ZNF608: variants seen among roughly 807,000 people sequenced by gnomAD.
ZNF608 encodes the protein zinc finger protein 608, also known as renal carcinoma antigen NY-REN-36.
Under a neutral mutation model 109.0 loss-of-function variants are expected in ZNF608, and 12 were observed. The observed-to-expected ratio is 0.11, with a 90% CI of 0.07 to 0.18. The LOEUF (loss-of-function observed/expected upper bound fraction) is 0.18, where lower values mean the gene tolerates loss of function less well. Among genes scored for constraint, ZNF608 ranks in the 10% least tolerant of loss-of-function variants. The pLI is 1.00. For missense variants in ZNF608, 1,707 were observed against 1,879.3 expected (o/e 0.91, Z 1.70); for synonymous variants, 732 against 717.4 (o/e 1.02, Z -0.33).
At chr5:124,704,706 C>G (rs192647764) in intron 2 of ZNF608, among the ~76,000 whole-genome samples, 2 of 152,218 alleles carry the variant, frequency 1.3e-5, no homozygotes, top group Admixed American at 1.3e-4. Flanking sequence ...ACTGACAGAA[C>G]TGAGCTTCAC....
chr5:124,699,841 C>T (rs951941727), intron 3 of ZNF608, among the ~76,000 whole-genome samples: 8 of 152,244 alleles, frequency 5.3e-5, no homozygotes, highest in South Asian at 2.1e-4. Flanking sequence ...TTCTCAACTA[C>T]TTCTTGCCCA....
In ZNF608 at chr5:124,648,339, G is replaced by T. The variant is rs756460319; in HGVS notation, c.2045C>A (p.Ala682Glu). The T allele has an allele frequency of 6.2e-7, 1 of 1,614,160 alleles. No individual in the cohort carries two copies. Among genetic ancestry groups the T allele is most frequent in the South Asian group, 1.1e-5 (1 of 91,088 alleles). The change falls in exon 5 of 10, where the codon GCG (alanine) becomes GAG (glutamate). Residue 682 changes from alanine to glutamate, a missense_variant. Physicochemically the swap from Ala to Glu is moderately radical, Grantham distance 107. This residue lies in a region of ZNF608 where 1,073 missense variants were observed against 1,133.5 expected (regional missense o/e 0.95). Transcript: ENST00000513986. ...NLPVISNMTA[A>E]LDSCSAADGS... ...GTCTGCTGCCGAGCAACTGTCTAACGCAGCCGTCATGTTGGAGATTACTGG... is the reference window on the plus strand; with the variant it reads ...GTCTGCTGCCGAGCAACTGTCTAACTCAGCCGTCATGTTGGAGATTACTGG...
At chr5:124,653,414 C>T (rs867315000) in intron 3 of ZNF608, among the ~76,000 whole-genome samples, 3 of 152,180 alleles carry the variant, frequency 2.0e-5, no homozygotes, top group African/African-American at 7.2e-5. Context: ...TTGTGTGTGT[C>T]TACAGGGTAC....
At chr5:124,691,601 A>G (rs951950527) in intron 3 of ZNF608, among the ~76,000 whole-genome samples, 23 of 152,240 alleles carry the variant, frequency 1.5e-4, no homozygotes, top group African/African-American at 5.5e-4. Context: ...TCAATGGGTG[A>G]ATAAAGAAAA....
chr5:124,729,959 C>A (rs1748818708), intron 2 of ZNF608, among the ~76,000 whole-genome samples: 1 of 152,194 alleles, frequency 6.6e-6, no homozygotes, highest in African/African-American at 2.4e-5. Context: ...CACATTCAGG[C>A]TCAAATAACA....
Position 124,646,819 on chromosome 5 carries a change from G to A in ZNF608, c.3565C>T (p.His1189Tyr). ...CTGTCGGCCTGAAGCTGCTGCTGGT[G>A]ATTGGAGAGAAGCTGCGATTTACCT... ...ETGKSQLLSN[H>Y]QQQLQADSFK... Residue 1189 changes from histidine to tyrosine, a missense_variant, in exon 5 of 10, where the codon CAC becomes TAC. This residue lies in a region of ZNF608 where 1,073 missense variants were observed against 1,133.5 expected (regional missense o/e 0.95). Coordinates refer to ENST00000513986, the MANE Select transcript of ZNF608 (RefSeq NM_020747.3). 1 of 1,614,252 alleles carries A rather than the reference G, an allele frequency of 6.2e-7. No individual in the cohort carries two copies. The highest frequency in any genetic ancestry group is 8.5e-7 in the Non-Finnish European group (1 of 1,180,050).
At chr5:124,722,474 C>T (rs1323694022) in intron 2 of ZNF608, among the ~76,000 whole-genome samples, 1 of 151,988 alleles carries the variant, frequency 6.6e-6, no homozygotes, top group Non-Finnish European at 1.5e-5. Context: ...CCTTTTGCCT[C>T]CCATTTGACC....
chr5:124,723,642 C>A (rs748210001), intron 2 of ZNF608, among the ~76,000 whole-genome samples: 1 of 152,100 alleles, frequency 6.6e-6, no homozygotes, highest in African/African-American at 2.4e-5. Flanking sequence ...GACCAGAGAT[C>A]GTGCCACTGC....
chr5:124,711,067 A>G (rs59480150), intron 2 of ZNF608, among the ~76,000 whole-genome samples: 16,183 of 152,144 alleles, frequency 0.11, 2,718 homozygotes, highest in African/African-American at 0.35. Flanking sequence ...GCCTGTCCCA[A>G]TGAGGTCTAT....
intron 2 of ZNF608, among the ~76,000 whole-genome samples, chr5:124,741,394 GAAAAAAAAAAAAA>G (rs34192958): frequency 5.8e-5 from 4 of 68,428 alleles, no homozygotes; most frequent in Middle Eastern, 0.011. Flanking sequence ...CTTCCAACCA[GAAAAAAAAAAAAA>G]AAAAAAAAAA....
intron 3 of ZNF608, among the ~76,000 whole-genome samples, chr5:124,655,008 A>G (rs937950738): frequency 1.3e-5 from 2 of 152,220 alleles, no homozygotes; most frequent in African/African-American, 4.8e-5. Flanking sequence ...GTCTGCACCC[A>G]CAACCCCTGG....
intron 3 of ZNF608, among the ~76,000 whole-genome samples, chr5:124,662,800 T>TACAGACAC (rs1438431730): frequency 6.6e-6 from 1 of 150,868 alleles, no homozygotes; most frequent in Non-Finnish European, 1.5e-5. Flanking sequence ...TCTCAAGAGT[T>TACAGACAC]ACAGACACAC....
intron 3 of ZNF608, among the ~76,000 whole-genome samples, chr5:124,690,459 C>T (rs1421316975): frequency 1.3e-5 from 2 of 152,172 alleles, no homozygotes; most frequent in South Asian, 2.1e-4. Flanking sequence ...ATACGCTATG[C>T]ATGTGTAGGG....
chr5:124,723,210 T>C (rs1357864899), intron 2 of ZNF608, among the ~76,000 whole-genome samples: 1 of 152,080 alleles, frequency 6.6e-6, no homozygotes, highest in Non-Finnish European at 1.5e-5. Flanking sequence ...GGTTTCTCCA[T>C]ATTGGCCAGG....
At chr5:124,680,776 T>C (rs1259356434) in intron 3 of ZNF608, among the ~76,000 whole-genome samples, 1 of 152,134 alleles carries the variant, frequency 6.6e-6, no homozygotes, top group Non-Finnish European at 1.5e-5. Context: ...ATTAAATATC[T>C]TCAGAGAAAT....
intron 3 of ZNF608, among the ~76,000 whole-genome samples, chr5:124,655,154 G>A (rs1020710012): frequency 6.6e-6 from 1 of 152,184 alleles, no homozygotes; most frequent in African/African-American, 2.4e-5. Flanking sequence ...TTTTCAATAA[G>A]CATAATCTCC....
At chr5:124,736,556 C>T (rs956059466) in intron 2 of ZNF608, among the ~76,000 whole-genome samples, 3 of 151,990 alleles carry the variant, frequency 2.0e-5, no homozygotes, top group Non-Finnish European at 2.9e-5. Flanking sequence ...CCAGCTGAAT[C>T]CAAACACATG....
intron 2 of ZNF608, among the ~76,000 whole-genome samples, chr5:124,704,481 C>T (rs1753179446): frequency 6.6e-6 from 1 of 152,152 alleles, no homozygotes; most frequent in Admixed American, 6.5e-5. Context: ...ATAGGCCCCT[C>T]TTCCTTAGAG....
intron 3 of ZNF608, among the ~76,000 whole-genome samples, chr5:124,653,724 G>A (rs757322434): frequency 9.9e-5 from 15 of 152,162 alleles, no homozygotes; most frequent in Admixed American, 2.6e-4. Flanking sequence ...AAGGCAGCCA[G>A]CCCAACAGGG....
Sources: allele counts gnomAD v4.1 joint callset (sites outside exome capture counted in the v4.1 genomes callset), GRCh38; gene constraint gnomAD v4.1.1; regional missense constraint gnomAD v4.1.1; transcripts MANE v1.5; gene names NCBI Gene and HGNC (gene_info 2026-07-23, HGNC 2026-07-21).